Variants in GABRB3 observed in about 807,000 individuals in gnomAD.
GABRB3 encodes the protein gamma-aminobutyric acid type A receptor subunit beta3.
GABRB3 carries 14 observed loss-of-function variants against 52.1 expected under a neutral mutation model. The ratio of observed to expected loss-of-function variants is 0.27; its 90% CI spans 0.18 to 0.42. The LOEUF (loss-of-function observed/expected upper bound fraction) is 0.42. Among genes scored for constraint, GABRB3 ranks in the 10% least tolerant of loss-of-function variants. GABRB3 has a pLI of 1.00. For synonymous variants in GABRB3, 260 were observed against 232.3 expected, an observed-to-expected ratio of 1.12 and a Z score of -1.08; for missense variants, 307 against 609.1, an observed-to-expected ratio of 0.50 and a Z score of 5.22.
intron 3 of GABRB3, among the ~76,000 whole-genome samples, chr15:26,709,235 C>G (rs1889204930): frequency 6.6e-6 from 1 of 152,212 alleles, no homozygotes; most frequent in Admixed American, 6.5e-5. Context: ...TGGGAGCTGT[C>G]TGGGTCATGC....
At chr15:26,740,505 C>G (rs1890174840) in intron 3 of GABRB3, among the ~76,000 whole-genome samples, 1 of 151,954 alleles carries the variant, frequency 6.6e-6, no homozygotes, top group Non-Finnish European at 1.5e-5. Context: ...GCACCTGCAT[C>G]TGAGGTCCAC....
At chr15:26,595,012 T>C (rs939001860) in intron 4 of GABRB3, among the ~76,000 whole-genome samples, 4 of 152,202 alleles carry the variant, frequency 2.6e-5, no homozygotes, top group African/African-American at 9.6e-5. Flanking sequence ...GCATACTTCT[T>C]GTCTAGGCAT....
chr15:26,772,555 G>A (rs1891179252), intron 2 of GABRB3, 86 bp from the exon 3 acceptor site: 4 of 1,482,584 alleles, frequency 2.7e-6, no homozygotes, highest in Non-Finnish European at 3.7e-6. Flanking sequence ...TCCCAGGAGG[G>A]GCGCGGGCGA....
chr15:26,655,163 ATATAG>A (rs1887328448), intron 3 of GABRB3, among the ~76,000 whole-genome samples: 1 of 152,188 alleles, frequency 6.6e-6, no homozygotes, highest in Admixed American at 6.5e-5. Flanking sequence ...GGTTAATTTA[ATATAG>A]TAGAGATCAT....
At chr15:26,768,805 T>A (rs534816059) in intron 3 of GABRB3, among the ~76,000 whole-genome samples, 71 of 150,608 alleles carry the variant, frequency 4.7e-4, no homozygotes, top group East Asian at 1.9e-3. Context: ...CAACTAATTT[T>A]TAAAAAAAAA....
upstream of GABRB3, chr15:26,773,620 G>C: frequency 6.5e-7 from 1 of 1,543,092 alleles, no homozygotes; most frequent in Non-Finnish European, 8.8e-7. Context: ...GGTGCCTGCA[G>C]AACGCCGGGA....
intron 4 of GABRB3, among the ~76,000 whole-genome samples, chr15:26,596,670 C>G (rs1891406431): frequency 6.6e-6 from 1 of 152,136 alleles, no homozygotes; most frequent in African/African-American, 2.4e-5. Flanking sequence ...AGAGAGAAAT[C>G]TACTTGATTC....
chr15:26,773,454 C>A (rs1284428345), upstream of GABRB3, among the ~76,000 whole-genome samples: 1 of 151,504 alleles, frequency 6.6e-6, no homozygotes, highest in African/African-American at 2.4e-5. Context: ...CTGTCGGCAG[C>A]CTCGGCGCCG....
intron 7 of GABRB3, 44 bp downstream of exon 7, chr15:26,567,537 T>C (rs1567113009): frequency 6.3e-7 from 1 of 1,587,686 alleles, no homozygotes; most frequent in East Asian, 2.2e-5. Flanking sequence ...ACTGTAATGA[T>C]ACGGTTACTT....
intron 4 of GABRB3, among the ~76,000 whole-genome samples, chr15:26,610,119 T>C (rs1263318479): frequency 4.6e-5 from 7 of 152,182 alleles, no homozygotes; most frequent in African/African-American, 7.2e-5. Context: ...CAATTCCTCT[T>C]CCTTATCCCT....
intron 3 of GABRB3, among the ~76,000 whole-genome samples, chr15:26,636,347 T>C (rs946610020): frequency 2.0e-5 from 3 of 152,204 alleles, no homozygotes; most frequent in Non-Finnish European, 4.4e-5. Flanking sequence ...ACCAACTTGC[T>C]AGCTTGTAAT....
intron 3 of GABRB3, among the ~76,000 whole-genome samples, chr15:26,741,200 T>G (rs1264348271): frequency 6.6e-6 from 1 of 151,990 alleles, no homozygotes; most frequent in Non-Finnish European, 1.5e-5. Context: ...AGGGTCAGAG[T>G]GGAAAATGCA....
intron 3 of GABRB3, among the ~76,000 whole-genome samples, chr15:26,648,024 G>A (rs1245739992): frequency 6.6e-6 from 1 of 152,204 alleles, no homozygotes; most frequent in Non-Finnish European, 1.5e-5. Context: ...CTAACCATCT[G>A]TAAGTGTTCA....
intron 5 of GABRB3, among the ~76,000 whole-genome samples, chr15:26,581,587 C>T (rs892291473): frequency 6.6e-6 from 1 of 152,202 alleles, no homozygotes; most frequent in African/African-American, 2.4e-5. Flanking sequence ...TTCATCCCTC[C>T]TTTCTCATTC....
intron 3 of GABRB3, among the ~76,000 whole-genome samples, chr15:26,668,518 C>T (rs1043412936): frequency 6.7e-6 from 1 of 149,842 alleles, no homozygotes; most frequent in African/African-American, 2.4e-5. Flanking sequence ...TTTCCCTTTA[C>T]CTTGGATGTC....
chr15:26,773,338 G>T (rs1891214380), upstream of GABRB3, among the ~76,000 whole-genome samples: 1 of 150,806 alleles, frequency 6.6e-6, no homozygotes, highest in Non-Finnish European at 1.5e-5. Context: ...GGCGACCTGG[G>T]CCGGACGCTG....
At chr15:26,559,361 G>C (rs925916663) in intron 8 of GABRB3, among the ~76,000 whole-genome samples, 7 of 152,158 alleles carry the variant, frequency 4.6e-5, no homozygotes, top group Non-Finnish European at 5.9e-5. Flanking sequence ...CACCTCAAAA[G>C]CCGGGCAGAC....
At chr15:26,654,625 G>A (rs985141639) in intron 3 of GABRB3, among the ~76,000 whole-genome samples, 1 of 152,060 alleles carries the variant, frequency 6.6e-6, no homozygotes, top group East Asian at 2.0e-4. Context: ...GCCAGCAGAG[G>A]TGGCACACAC....
chr15:26,656,321 A>G (rs542965124), intron 3 of GABRB3, among the ~76,000 whole-genome samples: 1 of 152,302 alleles, frequency 6.6e-6, no homozygotes, highest in Admixed American at 6.5e-5. Context: ...CATCCTTCCT[A>G]AACTTCATAA....
Sources: allele counts gnomAD v4.1 joint callset (sites outside exome capture counted in the v4.1 genomes callset), GRCh38; gene constraint gnomAD v4.1.1; transcripts MANE v1.5; gene names NCBI Gene and HGNC (gene_info 2026-07-23, HGNC 2026-07-21).